Variants in EFCAB13 observed in about 807,000 individuals in gnomAD.
EFCAB13 encodes EF-hand calcium binding domain 13.
Under a neutral mutation model 110.2 loss-of-function variants are expected in EFCAB13, and 91 were observed. The observed-to-expected ratio is 0.83, with a 90% confidence interval of 0.70 to 0.98. The LOEUF is 0.98. Ranked by LOEUF, EFCAB13 falls within the 50% of genes least tolerant of loss-of-function variation. EFCAB13 has a pLI of 0.00. For missense variants in EFCAB13, 968 were observed against 1,119.4 expected, an observed-to-expected ratio of 0.86 and a Z score of 1.93; for synonymous variants, 323 against 369.9, an observed-to-expected ratio of 0.87 and a Z score of 1.45.
At position 47,335,357 on chromosome 17, in the gene EFCAB13, G is replaced by A. The variant is rs750737546; in HGVS notation, c.191+1G>A. ...GTTTGAGCCCAGAATATAAAAAAAT[G>A]TAAGTTAAAAACTCTGAACTTACTT... On this transcript the variant is annotated splice_donor_variant, in intron 5 of 24. Coordinates refer to ENST00000331493, the MANE Select transcript of EFCAB13 (RefSeq NM_152347.5). LOFTEE classifies it high-confidence loss of function. 2 of 1,581,182 alleles carry A rather than the reference G, an allele frequency of 1.3e-6. No homozygotes were observed. Among genetic ancestry groups the A allele is most frequent in the Admixed American group, 2.0e-5 (1 of 50,770 alleles).
At chr17:47,413,042 A>G in intron 22 of EFCAB13, 126 bp downstream of exon 22, 1 of 932,216 alleles carries the variant, frequency 1.1e-6, no homozygotes, top group East Asian at 2.6e-5. Flanking sequence ...TTAGGTTGAT[A>G]CAAATTAGAG....
chr17:47,396,940 G>T (rs1367595532), intron 17 of EFCAB13, among the ~76,000 whole-genome samples: 1 of 152,120 alleles, frequency 6.6e-6, no homozygotes, highest in Non-Finnish European at 1.5e-5. Context: ...ATGTACCACA[G>T]AAAGTAATAG....
chr17:47,333,056 A>G (rs1300442324), intron 4 of EFCAB13, among the ~76,000 whole-genome samples: 1 of 152,170 alleles, frequency 6.6e-6, no homozygotes, highest in Non-Finnish European at 1.5e-5. Context: ...TTTTCTCCAC[A>G]TCCTTGCCAA....
chr17:47,436,790 A>AT (rs1486852133), intron 24 of EFCAB13, among the ~76,000 whole-genome samples: 1 of 123,390 alleles, frequency 8.1e-6, no homozygotes, highest in Non-Finnish European at 1.8e-5. Context: ...GATCTTTGTT[A>AT]TTTCCTTTCT....
chr17:47,412,708 A>G, intron 21 of EFCAB13, 65 bp from the exon 22 acceptor site: 1 of 1,466,502 alleles, frequency 6.8e-7, no homozygotes, highest in South Asian at 1.4e-5. Context: ...CCTATGGTAG[A>G]TTTTGGACAA....
chr17:47,333,729 A>AC (rs1358594692), intron 4 of EFCAB13, among the ~76,000 whole-genome samples: 1 of 152,178 alleles, frequency 6.6e-6, no homozygotes, highest in African/African-American at 2.4e-5. Flanking sequence ...CTTTGTTGAA[A>AC]ATCAGCTGAC....
chr17:47,330,101 C>A (rs921551872), intron 4 of EFCAB13, among the ~76,000 whole-genome samples: 1 of 151,888 alleles, frequency 6.6e-6, no homozygotes, highest in Non-Finnish European at 1.5e-5. Flanking sequence ...TGGATGCCGC[C>A]AGTTGTCTTA....
chr17:47,383,459 C>G (rs1413598846), intron 14 of EFCAB13, among the ~76,000 whole-genome samples: 1 of 152,188 alleles, frequency 6.6e-6, no homozygotes, highest in African/African-American at 2.4e-5. Context: ...AGCTGCATCC[C>G]AGAGATTCTG....
intron 6 of EFCAB13, 105 bp from the exon 7 acceptor site, chr17:47,344,057 G>A: frequency 1.6e-6 from 2 of 1,259,430 alleles, no homozygotes; most frequent in South Asian, 2.1e-5. Flanking sequence ...AATTAATGAG[G>A]AGCCAAGGTA....
intron 17 of EFCAB13, 43 bp from the exon 18 acceptor site, chr17:47,402,089 T>G (rs374450086): frequency 3.8e-5 from 58 of 1,539,774 alleles, no homozygotes; most frequent in Non-Finnish European, 4.9e-5. Context: ...GATCTGACTT[T>G]TGCGTAATGA....
In EFCAB13 at chr17:47,360,100, C is replaced by G. The variant is rs577604794; in HGVS notation, c.662-1278C>G. On this transcript the variant is annotated intron_variant, in intron 9 of 24. Coordinates refer to ENST00000331493, the MANE Select transcript of EFCAB13 (RefSeq NM_152347.5). ...GCAATAAACAAACATGTGCATGTGT[C>G]TTTATAGCAGCATGATTTATAGTCC... 2.6e-4 allele frequency among the ~76,000 whole-genome samples: 40 copies of G among 152,128 alleles called. No homozygotes were observed. The East Asian group carries it at 7.5e-3, about 29-fold the overall frequency.
chr17:47,375,532 G>A (rs1175640831), intron 12 of EFCAB13, among the ~76,000 whole-genome samples: 2 of 151,828 alleles, frequency 1.3e-5, no homozygotes, highest in African/African-American at 4.8e-5. Flanking sequence ...CTGGCCCCAA[G>A]TAGTGCTCCC....
At chr17:47,340,389 G>T (rs1315585131) in intron 5 of EFCAB13, among the ~76,000 whole-genome samples, 1 of 152,030 alleles carries the variant, frequency 6.6e-6, no homozygotes, top group Non-Finnish European at 1.5e-5. Flanking sequence ...GTACTCAGGA[G>T]GCTGAGGTGG....
At chr17:47,346,918 T>C (rs938200880) in intron 8 of EFCAB13, among the ~76,000 whole-genome samples, 1 of 152,184 alleles carries the variant, frequency 6.6e-6, no homozygotes, top group Non-Finnish European at 1.5e-5. Context: ...CTAAAACTTA[T>C]TTTATTAAAG....
At chr17:47,339,631 A>G (rs1912481) in intron 5 of EFCAB13, among the ~76,000 whole-genome samples, 145,519 of 151,046 alleles carry the variant, frequency 0.96, 70,328 homozygotes, top group East Asian at 1. Context: ...TGGAATGTTT[A>G]TGTTATGAAA....
rs1042843014 is a variant in EFCAB13 at position 47,324,023 on chromosome 17, A to G, written c.-369A>G. The stretch of plus-strand genomic sequence containing the variant: ...GCCCGAGGGGCGGCAGGGGCTGACC[A>G]CAGAGAGCGCGGGGGCCTCCAGCCG... On this transcript the variant is annotated 5_prime_UTR_variant, in exon 1 of 25. Coordinates refer to ENST00000331493, the MANE Select transcript of EFCAB13 (RefSeq NM_152347.5). 1 of 152,408 alleles carries G rather than the reference A, an allele frequency of 6.6e-6. No homozygotes were observed. Among genetic ancestry groups the G allele is most frequent in the Non-Finnish European group, 1.5e-5 (1 of 68,394 alleles). The allele number at this position is 152,408 out of a possible 1,614,324, so 9.4% of individuals were successfully genotyped here.
chr17:47,370,497 A>T lies in EFCAB13; in HGVS notation c.866A>T (p.Tyr289Phe), dbSNP rs368404576. 5.6e-6 allele frequency: 9 copies of T among 1,605,352 alleles called. No individual in the cohort carries two copies. The highest frequency in any genetic ancestry group is 7.7e-6 in the Non-Finnish European group (9 of 1,173,272). Residue 289 changes from tyrosine (Y) to phenylalanine (F), a missense_variant, in exon 11 of 25, where the codon TAT (tyrosine) becomes TTT (phenylalanine). Transcript: ENST00000331493. ...IFTLNELQEQ[Y>F]EDVSITEGSP... The stretch of plus-strand genomic sequence containing the variant: ...ACTTTGAATGAGCTACAGGAACAGT[A>T]TGAGGATGTTTGTAAGTGAGCTCTT...
At chr17:47,436,847 A>T (rs1180453105) in intron 24 of EFCAB13, among the ~76,000 whole-genome samples, 1 of 149,594 alleles carries the variant, frequency 6.7e-6, no homozygotes, top group African/African-American at 2.5e-5. Flanking sequence ...TAGTTCCTTG[A>T]GGTGTGACCT....
chr17:47,432,315 G>A (rs968861832), intron 24 of EFCAB13, among the ~76,000 whole-genome samples: 1 of 151,968 alleles, frequency 6.6e-6, no homozygotes, highest in Non-Finnish European at 1.5e-5. Context: ...GGAGAATGGT[G>A]TGAACCCGGG....
Sources: allele counts gnomAD v4.1 joint callset (sites outside exome capture counted in the v4.1 genomes callset), GRCh38; gene constraint gnomAD v4.1.1; transcripts MANE v1.5; gene names NCBI Gene and HGNC (gene_info 2026-07-23, HGNC 2026-07-21).